The following ZBTB7C variants were observed in gnomAD, a reference collection of about 807,000 sequenced individuals.
ZBTB7C encodes zinc finger and BTB domain containing 7C.
ZBTB7C carries 8 observed loss-of-function variants against 25.7 expected under a neutral mutation model. The observed-to-expected ratio is 0.31, with a 90% CI of 0.18 to 0.56. ZBTB7C has a LOEUF of 0.56. Among genes scored for constraint, ZBTB7C ranks in the 20% least tolerant of loss-of-function variants. The pLI, the probability that ZBTB7C is intolerant of heterozygous loss-of-function variation, is 0.91. For synonymous variants in ZBTB7C, 394 were observed against 369.0 expected (o/e 1.07, Z -0.78); for missense variants, 824 against 855.2 (o/e 0.96, Z 0.46).
intron 3 of ZBTB7C, among the ~76,000 whole-genome samples, chr18:48,160,953 T>TTTTTTC (rs1205382315): frequency 1.4e-5 from 2 of 145,318 alleles, no homozygotes; most frequent in African/African-American, 5.3e-5. Context: ...TTTTTTTTTT[T>TTTTTTC]CCAGTGCCGG....
chr18:48,072,854 A>G (rs12963863), intron 3 of ZBTB7C, among the ~76,000 whole-genome samples: 45 of 152,266 alleles, frequency 3.0e-4, no homozygotes, highest in African/African-American at 1.0e-3. Context: ...GGGACCCCAG[A>G]TGTTTGACCC....
chr18:48,170,575 G>A (rs1000855089), intron 3 of ZBTB7C, among the ~76,000 whole-genome samples: 1 of 152,202 alleles, frequency 6.6e-6, no homozygotes, highest in African/African-American at 2.4e-5. Flanking sequence ...AGACATGGCT[G>A]GGATGTTGGA....
chr18:48,272,144 T>C (rs1031187629), intron 2 of ZBTB7C, among the ~76,000 whole-genome samples: 8 of 152,256 alleles, frequency 5.3e-5, no homozygotes, highest in African/African-American at 1.7e-4. Flanking sequence ...GTGTCATGTG[T>C]GTCTGTAAGG....
Position 48,250,151 on chromosome 18 carries a change from T to C in ZBTB7C, c.-78-64156A>G, listed in dbSNP as rs12971115. ...CCCAGTGACATGCGCAGGGGTCAAG[T>C]GGTTCCACTGATCCAGAACCCCCAA... is the stretch of plus-strand genomic sequence containing the variant. On this transcript the variant is annotated intron_variant, in intron 2 of 4. Coordinates refer to ENST00000590800, the MANE Select transcript of ZBTB7C (RefSeq NM_001318841.2). Among the ~76,000 whole-genome samples, 1,025 of 152,282 alleles carry C rather than the reference T, an allele frequency of 6.7e-3. 8 individuals are homozygous for C. The highest frequency in any genetic ancestry group is 0.014 in the Middle Eastern group (4 of 292).
intron 3 of ZBTB7C, among the ~76,000 whole-genome samples, chr18:48,068,719 A>C (rs2037429985): frequency 6.6e-6 from 1 of 152,178 alleles, no homozygotes; most frequent in Non-Finnish European, 1.5e-5. Context: ...CCTAAGAATC[A>C]GAACCTTTGG....
intron 1 of ZBTB7C, among the ~76,000 whole-genome samples, chr18:48,397,585 C>G (rs11663998): frequency 1.3e-5 from 2 of 152,166 alleles, no homozygotes; most frequent in Admixed American, 6.5e-5. Flanking sequence ...GAATGAGCGG[C>G]TATGTCACAC....
chr18:48,343,825 C>T (rs1023226282), intron 1 of ZBTB7C, among the ~76,000 whole-genome samples: 12 of 152,142 alleles, frequency 7.9e-5, no homozygotes, highest in Admixed American at 7.9e-4. Flanking sequence ...ACTTCCTGGC[C>T]CACAGCTGCC....
At chr18:48,402,179 C>A (rs1432416715) in intron 1 of ZBTB7C, among the ~76,000 whole-genome samples, 1 of 151,938 alleles carries the variant, frequency 6.6e-6, no homozygotes, top group African/African-American at 2.4e-5. Context: ...GTGAAGACGT[C>A]CCCCAAACAG....
intron 3 of ZBTB7C, among the ~76,000 whole-genome samples, chr18:48,138,974 G>T: frequency 6.6e-6 from 1 of 152,214 alleles, no homozygotes; most frequent in East Asian, 1.9e-4. Context: ...CTCTCTTCTT[G>T]TGGGGCAGAT....
At chr18:48,314,311 T>C (rs1401674910) in intron 2 of ZBTB7C, among the ~76,000 whole-genome samples, 4 of 152,180 alleles carry the variant, frequency 2.6e-5, no homozygotes, top group African/African-American at 9.7e-5. Flanking sequence ...TCTTTCCCTC[T>C]AAATCCTGGG....
At chr18:48,131,767 C>T (rs1023949883) in intron 3 of ZBTB7C, among the ~76,000 whole-genome samples, 6 of 152,176 alleles carry the variant, frequency 3.9e-5, no homozygotes, top group Non-Finnish European at 8.8e-5. Context: ...ATGGCTCTCA[C>T]TATACCTATA....
intron 3 of ZBTB7C, among the ~76,000 whole-genome samples, chr18:48,071,412 T>C (rs1047757959): frequency 8.5e-5 from 13 of 152,210 alleles, no homozygotes; most frequent in Admixed American, 6.5e-4. Context: ...CCATCACTAT[T>C]AGGAAAGGGT....
At chr18:48,165,121 G>A (rs1248448881) in intron 3 of ZBTB7C, 1 of 1,289,166 alleles carries the variant, frequency 7.8e-7, no homozygotes, top group South Asian at 1.2e-5. Context: ...AGCATTACAG[G>A]GACACTCACC....
At chr18:48,332,086 CT>C (rs2046353551) in intron 2 of ZBTB7C, among the ~76,000 whole-genome samples, 1 of 152,290 alleles carries the variant, frequency 6.6e-6, no homozygotes, top group African/African-American at 2.4e-5. Context: ...CCAATATATC[CT>C]TCTACAGTAG....
chr18:48,104,907 G>A (rs1424529307), intron 3 of ZBTB7C, among the ~76,000 whole-genome samples: 2 of 152,180 alleles, frequency 1.3e-5, no homozygotes, highest in Non-Finnish European at 2.9e-5. Context: ...GTGGCTGGGT[G>A]TGGGTCTTAT....
intron 4 of ZBTB7C, 76 bp from the exon 5 acceptor site, chr18:48,029,987 C>A: frequency 6.3e-7 from 1 of 1,584,734 alleles, no homozygotes; most frequent in South Asian, 1.1e-5. Flanking sequence ...CCCCCTTTCT[C>A]CAGAACCAGC....
intron 1 of ZBTB7C, among the ~76,000 whole-genome samples, chr18:48,373,778 G>A (rs2047448227): frequency 6.6e-6 from 1 of 152,144 alleles, no homozygotes; most frequent in Non-Finnish European, 1.5e-5. Context: ...TGGTAAACAC[G>A]GTGAAACCCC....
intron 2 of ZBTB7C, among the ~76,000 whole-genome samples, chr18:48,322,143 C>T (rs1013089718): frequency 3.9e-5 from 6 of 152,188 alleles, no homozygotes; most frequent in African/African-American, 7.2e-5. Context: ...TCCTTAGAGA[C>T]GATGGCCTTC....
intron 2 of ZBTB7C, among the ~76,000 whole-genome samples, chr18:48,308,454 G>T (rs1341265428): frequency 1.3e-5 from 2 of 152,152 alleles, no homozygotes; most frequent in Non-Finnish European, 2.9e-5. Flanking sequence ...CTTCTGCCTT[G>T]GTTTCTCAGT....
Sources: allele counts gnomAD v4.1 joint callset (sites outside exome capture counted in the v4.1 genomes callset), GRCh38; gene constraint gnomAD v4.1.1; transcripts MANE v1.5; gene names NCBI Gene and HGNC (gene_info 2026-07-23, HGNC 2026-07-21).